Variants in SPOCK3 observed in about 807,000 individuals in gnomAD.
SPOCK3 encodes the protein testican-3.
In SPOCK3, 30 loss-of-function variants were observed where a neutral mutation model predicts 56.6. That is an observed-to-expected ratio of 0.53 (90% confidence interval 0.40 to 0.72). SPOCK3 has a LOEUF of 0.72. Among genes scored for constraint, SPOCK3 ranks in the 30% least tolerant of loss-of-function variants. SPOCK3 has a pLI of 0.00. For missense variants in SPOCK3, 527 were observed against 530.0 expected, an observed-to-expected ratio of 0.99 and a Z score of 0.06; for synonymous variants, 196 against 183.3, an observed-to-expected ratio of 1.07 and a Z score of -0.56.
At chr4:166,754,029 A>C (rs568234954) in intron 8 of SPOCK3, 541 of 869,140 alleles carry the variant, frequency 6.2e-4, no homozygotes, top group Non-Finnish European at 6.8e-4. Flanking sequence ...AAAGTTTGAA[A>C]GACTAAATCA....
intron 2 of SPOCK3, among the ~76,000 whole-genome samples, chr4:167,165,950 CTTTA>C (rs768437690): frequency 2.0e-4 from 30 of 151,926 alleles, no homozygotes; most frequent in East Asian, 3.9e-4. Flanking sequence ...AAAAGAAAAT[CTTTA>C]TTTATGAAAC....
chr4:167,005,761 T>C (rs1188251886), intron 3 of SPOCK3, among the ~76,000 whole-genome samples: 1 of 152,116 alleles, frequency 6.6e-6, no homozygotes, highest in African/African-American at 2.4e-5. Context: ...TTTGTTTTTG[T>C]TGTTGTTGTT....
intron 4 of SPOCK3, among the ~76,000 whole-genome samples, chr4:166,937,425 T>C (rs1355907525): frequency 6.7e-6 from 1 of 149,292 alleles, no homozygotes; most frequent in Admixed American, 6.7e-5. Context: ...TTATAATTTA[T>C]GATTATTAAA....
intron 6 of SPOCK3, among the ~76,000 whole-genome samples, chr4:166,857,206 C>G (rs941565304): frequency 6.6e-6 from 1 of 152,216 alleles, no homozygotes; most frequent in African/African-American, 2.4e-5. Flanking sequence ...ATCCAGCTCA[C>G]TCATGCAGAT....
chr4:166,821,772 C>A (rs1272915493), intron 6 of SPOCK3, among the ~76,000 whole-genome samples: 1 of 152,072 alleles, frequency 6.6e-6, no homozygotes. Context: ...TACAAATAAG[C>A]ATGAGGTTTC....
chr4:167,057,665 C>A (rs1417332093), intron 3 of SPOCK3, among the ~76,000 whole-genome samples: 3 of 151,224 alleles, frequency 2.0e-5, no homozygotes, highest in African/African-American at 7.3e-5. Context: ...GACTTTAAAC[C>A]AACAAAGATC....
chr4:166,862,360 T>A (rs1222375852), intron 6 of SPOCK3, among the ~76,000 whole-genome samples: 10 of 151,960 alleles, frequency 6.6e-5, no homozygotes, highest in Admixed American at 1.3e-4. Flanking sequence ...GAAAAAGACT[T>A]GAATGTAGCA....
chr4:166,825,086 A>C (rs1386759278), intron 6 of SPOCK3, among the ~76,000 whole-genome samples: 2 of 152,074 alleles, frequency 1.3e-5, no homozygotes, highest in African/African-American at 4.8e-5. Flanking sequence ...CTCATAAGAA[A>C]TCTAAAGATT....
chr4:167,211,147 T>G (rs926103023), intron 2 of SPOCK3, among the ~76,000 whole-genome samples: 1 of 152,172 alleles, frequency 6.6e-6, no homozygotes, highest in African/African-American at 2.4e-5. Context: ...GCTTTAAGAT[T>G]TGACTGCCCC....
intron 8 of SPOCK3, among the ~76,000 whole-genome samples, chr4:166,752,504 A>G (rs1403787313): frequency 6.6e-6 from 1 of 151,504 alleles, no homozygotes; most frequent in African/African-American, 2.4e-5. Context: ...TATTTTTGAG[A>G]GCGAGAGCTC....
chr4:166,813,221 G>A (rs1744021010), intron 6 of SPOCK3, among the ~76,000 whole-genome samples: 1 of 151,940 alleles, frequency 6.6e-6, no homozygotes, highest in Non-Finnish European at 1.5e-5. Context: ...ATGGCCTGTA[G>A]GACAAAGGCT....
At chr4:166,787,831 A>G (rs1740893746) in intron 7 of SPOCK3, among the ~76,000 whole-genome samples, 1 of 152,206 alleles carries the variant, frequency 6.6e-6, no homozygotes, top group Admixed American at 6.5e-5. Flanking sequence ...CTAAATATAT[A>G]TAGGTATACT....
At position 167,224,221 on chromosome 4, in the gene SPOCK3, T is replaced by A. The variant is rs143026667; in HGVS notation, c.189+9764A>T. Among the ~76,000 whole-genome samples the A allele has an allele frequency of 5.3e-5, 8 of 152,272 alleles. 1 individual carries two copies. The highest frequency in any genetic ancestry group is 1.9e-4 in the African/African-American group (8 of 41,584). ...TCTTGCTTACTATATACATGTTTAG[T>A]GCACTATTAAAGACATTGTGTTTAA... is the stretch of plus-strand genomic sequence containing the variant. On this transcript the variant is annotated intron_variant, in intron 2 of 10. Transcript: ENST00000357545.
chr4:167,007,981 A>T (rs1165899847), intron 3 of SPOCK3, among the ~76,000 whole-genome samples: 1 of 152,148 alleles, frequency 6.6e-6, no homozygotes, highest in Non-Finnish European at 1.5e-5. Context: ...ACATGTTTCT[A>T]AGTGTCAAAA....
intron 6 of SPOCK3, among the ~76,000 whole-genome samples, chr4:166,867,727 A>C (rs1268092728): frequency 6.6e-6 from 1 of 151,624 alleles, no homozygotes; most frequent in Non-Finnish European, 1.5e-5. Flanking sequence ...CATAGTTACA[A>C]AACATTAATA....
intron 6 of SPOCK3, among the ~76,000 whole-genome samples, chr4:166,856,860 G>C (rs62353215): frequency 0.038 from 5,717 of 151,798 alleles, 125 homozygotes; most frequent in African/African-American, 0.063. Flanking sequence ...ATATGCAATC[G>C]ACTGGAAAAA....
intron 6 of SPOCK3, among the ~76,000 whole-genome samples, chr4:166,879,103 TA>T (rs548814807): frequency 1.3e-5 from 2 of 151,914 alleles, no homozygotes; most frequent in South Asian, 4.2e-4. Context: ...GCCTGTTAAT[TA>T]AAAAAAATAT....
At chr4:167,169,240 A>T (rs924856803) in intron 2 of SPOCK3, among the ~76,000 whole-genome samples, 6 of 152,286 alleles carry the variant, frequency 3.9e-5, no homozygotes, top group Admixed American at 3.3e-4. Flanking sequence ...CAGAACCCAG[A>T]ATAGTGGATC....
At chr4:166,875,563 A>C in intron 6 of SPOCK3, among the ~76,000 whole-genome samples, 1 of 152,210 alleles carries the variant, frequency 6.6e-6, no homozygotes, top group East Asian at 1.9e-4. Context: ...AAGCTCCTAA[A>C]AAGTTTACCA....
Sources: gnomAD v4.1 joint callset for allele counts (sites outside exome capture counted in the v4.1 genomes callset) on GRCh38, gnomAD v4.1.1 for gene constraint, MANE v1.5 for transcripts, NCBI Gene and HGNC (gene_info 2026-07-23, HGNC 2026-07-21) for gene names.